MAGI2: variants seen among roughly 807,000 people sequenced by gnomAD.
The protein encoded by MAGI2 is membrane associated guanylate kinase, WW and PDZ domain containing 2.
In MAGI2, 35 loss-of-function variants were observed where a neutral mutation model predicts 133.3. That is an observed-to-expected ratio of 0.26 (90% CI 0.20 to 0.35). MAGI2 has a LOEUF of 0.35. Ranked by LOEUF, MAGI2 falls within the 10% of genes least tolerant of loss-of-function variation. MAGI2 has a pLI of 1.00. For missense variants in MAGI2, 1,636 were observed against 1,863.4 expected (o/e 0.88, Z 2.25); for synonymous variants, 729 against 710.6 (o/e 1.03, Z -0.41).
intron 1 of MAGI2, among the ~76,000 whole-genome samples, chr7:79,340,777 G>T (rs1352697427): frequency 1.3e-5 from 2 of 152,064 alleles, no homozygotes; most frequent in African/African-American, 4.8e-5. Flanking sequence ...TGAATGTCCA[G>T]AAGTGCCTTT....
intron 3 of MAGI2, among the ~76,000 whole-genome samples, chr7:78,600,012 C>T (rs1008848341): frequency 3.9e-5 from 6 of 152,278 alleles, no homozygotes; most frequent in Admixed American, 1.3e-4. Context: ...ACCCAACATT[C>T]CATCCTCACT....
At chr7:78,798,375 T>A (rs1193768623) in intron 2 of MAGI2, among the ~76,000 whole-genome samples, 1 of 152,152 alleles carries the variant, frequency 6.6e-6, no homozygotes, top group Non-Finnish European at 1.5e-5. Flanking sequence ...ATTCTTATCA[T>A]GTTGGCAACC....
chr7:78,395,731 T>A (rs1279197261), intron 6 of MAGI2, among the ~76,000 whole-genome samples: 1 of 152,218 alleles, frequency 6.6e-6, no homozygotes, highest in African/African-American at 2.4e-5. Context: ...TACTATAAAT[T>A]CAGTTTCCTT....
chr7:78,697,150 T>C (rs1415340127), intron 2 of MAGI2, among the ~76,000 whole-genome samples: 3 of 152,194 alleles, frequency 2.0e-5, no homozygotes. Flanking sequence ...TGATATTTAG[T>C]GTTTAATCTC....
chr7:78,270,002 A>G (rs892898591), intron 9 of MAGI2, among the ~76,000 whole-genome samples: 18 of 152,020 alleles, frequency 1.2e-4, no homozygotes, highest in African/African-American at 3.6e-4. Flanking sequence ...AGTTTTCCCA[A>G]CACCATTTAT....
intron 6 of MAGI2, among the ~76,000 whole-genome samples, chr7:78,479,657 G>T (rs1439519661): frequency 6.6e-6 from 1 of 151,836 alleles, no homozygotes; most frequent in African/African-American, 2.4e-5. Flanking sequence ...TGGCTAAAAT[G>T]ATAGATTTTA....
chr7:79,302,090 A>G (rs1198365777), intron 1 of MAGI2, among the ~76,000 whole-genome samples: 1 of 152,208 alleles, frequency 6.6e-6, no homozygotes, highest in East Asian at 1.9e-4. Flanking sequence ...TAAAAAGTAA[A>G]TTACCCAGGC....
At position 78,076,599 on chromosome 7, in the gene MAGI2, C is replaced by A. The variant is rs1255018525; in HGVS notation, c.3706+2348G>T. Reference sequence around the variant, plus strand: ...CGGTGGCTCACGCCTGTAATCCCAGCACTTTGGGAGGCCGAGGCGGGTGGA... The same window carrying A: ...CGGTGGCTCACGCCTGTAATCCCAGAACTTTGGGAGGCCGAGGCGGGTGGA... On this transcript the variant is annotated intron_variant, in intron 21 of 21. Transcript: ENST00000354212. Among the ~76,000 whole-genome samples the A allele has an allele frequency of 2.6e-5, 4 of 151,586 alleles. No individual in the cohort carries two copies. The South Asian group carries it at 8.3e-4, about 32-fold the overall frequency.
At chr7:78,074,029 T>G (rs1815006402) in intron 21 of MAGI2, among the ~76,000 whole-genome samples, 1 of 152,162 alleles carries the variant, frequency 6.6e-6, no homozygotes, top group African/African-American at 2.4e-5. Context: ...TTCAAGGACT[T>G]AACTATGAAA....
chr7:79,100,097 C>T (rs184073416), intron 1 of MAGI2, among the ~76,000 whole-genome samples: 200 of 150,488 alleles, frequency 1.3e-3, no homozygotes, highest in African/African-American at 4.7e-3. Context: ...CATATTATTC[C>T]ATTTTATGCT....
intron 2 of MAGI2, among the ~76,000 whole-genome samples, chr7:78,674,624 A>G (rs1442810074): frequency 1.3e-5 from 2 of 152,166 alleles, no homozygotes; most frequent in African/African-American, 4.8e-5. Context: ...TTTGTTATTT[A>G]TAACTCTGGG....
chr7:78,079,100 A>G lies in MAGI2; in HGVS notation c.3568-15T>C. 6.2e-7 allele frequency: 1 copy of G among 1,611,926 alleles called. No individual in the cohort carries two copies. Among genetic ancestry groups the G allele is most frequent in the Non-Finnish European group, 8.5e-7 (1 of 1,179,480 alleles). ...TGATCTCCTACCTGTTGATTAAAGA[A>G]AAATTAAGTCAGCCAAAGATGGTTT... On this transcript the variant is annotated splice_polypyrimidine_tract_variant and intron_variant, in intron 20 of 21. Transcript: ENST00000354212.
intron 1 of MAGI2, among the ~76,000 whole-genome samples, chr7:79,201,272 A>C (rs181634972): frequency 6.6e-6 from 1 of 152,176 alleles, no homozygotes; most frequent in Admixed American, 6.5e-5. Flanking sequence ...CTTACTTCAC[A>C]GTTTTGCCTA....
At chr7:79,029,250 G>A (rs937844560) in intron 1 of MAGI2, among the ~76,000 whole-genome samples, 26 of 151,974 alleles carry the variant, frequency 1.7e-4, no homozygotes, top group Admixed American at 1.2e-3. Context: ...GAGAAATGTT[G>A]TAGTTTTTAA....
chr7:79,089,942 T>C (rs1256467370), intron 1 of MAGI2, among the ~76,000 whole-genome samples: 1 of 151,956 alleles, frequency 6.6e-6, no homozygotes, highest in Non-Finnish European at 1.5e-5. Context: ...TGTATACCTA[T>C]GTAAGGTATA....
intron 2 of MAGI2, among the ~76,000 whole-genome samples, chr7:78,670,645 G>A (rs976237494): frequency 6.6e-6 from 1 of 152,094 alleles, no homozygotes; most frequent in African/African-American, 2.4e-5. Flanking sequence ...CAAAGCCGGA[G>A]GCATCACGCT....
At chr7:78,086,306 T>C (rs541748813) in intron 20 of MAGI2, among the ~76,000 whole-genome samples, 6 of 151,002 alleles carry the variant, frequency 4.0e-5, no homozygotes, top group African/African-American at 1.5e-4. Context: ...GGCACGATCT[T>C]GGCCCAGTGC....
chr7:78,091,801 T>C (rs1321035184), intron 20 of MAGI2, among the ~76,000 whole-genome samples: 1 of 152,212 alleles, frequency 6.6e-6, no homozygotes, highest in Admixed American at 6.5e-5. Flanking sequence ...TTCTTCTACA[T>C]GAAGAAGCAG....
At chr7:78,412,161 C>T (rs1483269537) in intron 6 of MAGI2, among the ~76,000 whole-genome samples, 1 of 152,012 alleles carries the variant, frequency 6.6e-6, no homozygotes, top group East Asian at 1.9e-4. Flanking sequence ...TGATAAAACT[C>T]TATAATCAAT....
Sources: gnomAD v4.1 joint callset for allele counts (sites outside exome capture counted in the v4.1 genomes callset) on GRCh38, gnomAD v4.1.1 for gene constraint, MANE v1.5 for transcripts, NCBI Gene and HGNC (gene_info 2026-07-23, HGNC 2026-07-21) for gene names.